MSRA: variants seen among roughly 807,000 people sequenced by gnomAD.
The protein encoded by MSRA is mitochondrial peptide methionine sulfoxide reductase.
MSRA carries 54 observed loss-of-function variants against 31.3 expected under a neutral mutation model. The ratio of observed to expected loss-of-function variants is 1.73; its 90% confidence interval spans 1.39 to 2.17. The LOEUF (loss-of-function observed/expected upper bound fraction) is 2.17, where lower values mean the gene tolerates loss of function less well. MSRA is among the 30% of genes most tolerant of loss of function. The pLI, the probability that MSRA is intolerant of heterozygous loss-of-function variation, is 0.00. For synonymous variants in MSRA, 169 were observed against 116.5 expected (o/e 1.45, Z -2.90); for missense variants, 507 against 300.9 (o/e 1.69, Z -5.07).
intron 3 of MSRA, among the ~76,000 whole-genome samples, chr8:10,256,222 C>T (rs1407341250): frequency 6.6e-6 from 1 of 152,198 alleles, no homozygotes; most frequent in Non-Finnish European, 1.5e-5. Flanking sequence ...TGAAATCACA[C>T]AGCCTATGTC....
chr8:10,253,637 C>A (rs1285295961), intron 3 of MSRA, among the ~76,000 whole-genome samples: 1 of 152,162 alleles, frequency 6.6e-6, no homozygotes, highest in African/African-American at 2.4e-5. Flanking sequence ...TTTGATATAG[C>A]AAGCAGTTTT....
At chr8:10,315,474 G>C (rs1031760784) in intron 4 of MSRA, among the ~76,000 whole-genome samples, 1 of 152,202 alleles carries the variant, frequency 6.6e-6, no homozygotes, top group Non-Finnish European at 1.5e-5. Context: ...TATAAATAGA[G>C]TAATAGTAGA....
At chr8:10,374,095 C>T (rs538973912) in intron 5 of MSRA, among the ~76,000 whole-genome samples, 2 of 152,266 alleles carry the variant, frequency 1.3e-5, no homozygotes, top group East Asian at 1.9e-4. Flanking sequence ...GCTGATTGAT[C>T]GAGAAGTCAA....
rs370024414 is a variant in MSRA at position 10,428,452 on chromosome 8, A to G, written c.*140A>G. ...TTATACAGATTGGGTTTACCGAAGTATAATCTATAGGAGGCGCGATGGCAA... is the reference window on the plus strand; with the variant it reads ...TTATACAGATTGGGTTTACCGAAGTGTAATCTATAGGAGGCGCGATGGCAA... On this transcript the variant is annotated 3_prime_UTR_variant, in exon 6 of 6. Coordinates refer to ENST00000317173, the MANE Select transcript of MSRA (RefSeq NM_012331.5). 21 of 932,460 alleles carry G rather than the reference A, an allele frequency of 2.3e-5. No homozygotes were observed. In the African/African-American group the frequency reaches 2.3e-4, roughly 10 times the overall value. 57.8% of individuals were successfully genotyped at this position (932,460 alleles called of 1,614,324 possible).
At chr8:10,143,297 C>A (rs918532056) in intron 1 of MSRA, among the ~76,000 whole-genome samples, 1 of 151,948 alleles carries the variant, frequency 6.6e-6, no homozygotes, top group Non-Finnish European at 1.5e-5. Flanking sequence ...AGGCTGATAC[C>A]CGTTGAAAGT....
intron 5 of MSRA, among the ~76,000 whole-genome samples, chr8:10,349,173 A>T (rs764860468): frequency 6.6e-6 from 1 of 152,260 alleles, no homozygotes; most frequent in South Asian, 2.1e-4. Flanking sequence ...GAATACATTT[A>T]TTGTTTAAAT....
chr8:10,072,522 C>T (rs561976323), intron 1 of MSRA, among the ~76,000 whole-genome samples: 95 of 152,234 alleles, frequency 6.2e-4, no homozygotes, highest in South Asian at 6.2e-4. Flanking sequence ...TATCGCAGGC[C>T]TTAATATTAG....
chr8:10,137,703 A>G (rs1164513080), intron 1 of MSRA, among the ~76,000 whole-genome samples: 1 of 152,108 alleles, frequency 6.6e-6, no homozygotes, highest in African/African-American at 2.4e-5. Context: ...CAAAGTGGGC[A>G]GTGGGAGTGG....
intron 5 of MSRA, among the ~76,000 whole-genome samples, chr8:10,427,600 A>G (rs1422694731): frequency 6.6e-6 from 1 of 151,988 alleles, no homozygotes; most frequent in Non-Finnish European, 1.5e-5. Context: ...GTGAGGGGAC[A>G]CTCTGTCTAT....
At chr8:10,167,127 C>T (rs1805204621) in intron 1 of MSRA, among the ~76,000 whole-genome samples, 1 of 152,160 alleles carries the variant, frequency 6.6e-6, no homozygotes, top group Non-Finnish European at 1.5e-5. Context: ...AACACTGCTT[C>T]CCCAGGTCCC....
chr8:10,248,357 C>A (rs1280599187), intron 3 of MSRA, among the ~76,000 whole-genome samples: 1 of 152,112 alleles, frequency 6.6e-6, no homozygotes, highest in African/African-American at 2.4e-5. Context: ...GGGGCAGATG[C>A]CAGAAATATA....
intron 1 of MSRA, among the ~76,000 whole-genome samples, chr8:10,088,749 C>CT (rs1798699825): frequency 6.6e-6 from 1 of 152,020 alleles, no homozygotes; most frequent in African/African-American, 2.4e-5. Context: ...AAAAAAAAGT[C>CT]TATCAAGGGA....
At chr8:10,143,058 G>C (rs1406391052) in intron 1 of MSRA, among the ~76,000 whole-genome samples, 1 of 152,132 alleles carries the variant, frequency 6.6e-6, no homozygotes, top group Non-Finnish European at 1.5e-5. Flanking sequence ...ACTGGGGCAT[G>C]CTTTGACTTC....
At chr8:10,410,589 GAAGGCCAAGCCTC>G (rs1337622762) in intron 5 of MSRA, among the ~76,000 whole-genome samples, 2 of 152,198 alleles carry the variant, frequency 1.3e-5, no homozygotes, top group African/African-American at 4.8e-5. Flanking sequence ...TTACAGAAGA[GAAGGCCAAGCCTC>G]AAGGTCAGCT....
At chr8:10,418,418 G>A (rs371612909) in intron 5 of MSRA, among the ~76,000 whole-genome samples, 5 of 152,112 alleles carry the variant, frequency 3.3e-5, no homozygotes, top group South Asian at 2.1e-4. Context: ...GCCCATTTCC[G>A]GAGCCCTGTG....
intron 1 of MSRA, among the ~76,000 whole-genome samples, chr8:10,146,994 C>G (rs372549276): frequency 1.3e-5 from 2 of 152,146 alleles, no homozygotes; most frequent in African/African-American, 4.8e-5. Flanking sequence ...GAAGCTGGGA[C>G]GCCAGCTGGG....
At chr8:10,258,497 C>G (rs1798299412) in intron 3 of MSRA, among the ~76,000 whole-genome samples, 1 of 152,146 alleles carries the variant, frequency 6.6e-6, no homozygotes, top group Non-Finnish European at 1.5e-5. Flanking sequence ...AGGCCTTGCT[C>G]TCAATAGGCT....
chr8:10,089,477 C>T (rs1585122784), intron 1 of MSRA, among the ~76,000 whole-genome samples: 3 of 152,166 alleles, frequency 2.0e-5, no homozygotes, highest in African/African-American at 4.8e-5. Flanking sequence ...TGCACATTCC[C>T]ATGGTCAGTG....
Position 10,245,624 on chromosome 8 carries a change from T to A in MSRA, c.331+401T>A, listed in dbSNP as rs1283540988. Among the ~76,000 whole-genome samples, 5 of 152,212 alleles carry A rather than the reference T, an allele frequency of 3.3e-5. No homozygotes were observed. In the East Asian group the frequency reaches 9.6e-4, roughly 29 times the overall value. ...AGTCAGCCTAGGCTGCTTTACTCTTTGGCCTGGCAGTTGGTGCTGGCTGCT... is the reference window on the plus strand; with the variant it reads ...AGTCAGCCTAGGCTGCTTTACTCTTAGGCCTGGCAGTTGGTGCTGGCTGCT... On this transcript the variant is annotated intron_variant, in intron 3 of 5. Transcript: ENST00000317173.
Sources: gnomAD v4.1 joint callset for allele counts (sites outside exome capture counted in the v4.1 genomes callset) on GRCh38, gnomAD v4.1.1 for gene constraint, MANE v1.5 for transcripts, NCBI Gene and HGNC (gene_info 2026-07-23, HGNC 2026-07-21) for gene names.